The following ADGRL2 variants were observed in gnomAD, a reference collection of about 807,000 sequenced individuals.
The protein encoded by ADGRL2 is calcium-independent alpha-latrotoxin receptor 2.
A neutral mutation model predicts 157.4 loss-of-function variants in ADGRL2; 44 were observed. The observed-to-expected ratio is 0.28, with a 90% CI of 0.22 to 0.36. The LOEUF is 0.36. Ranked by LOEUF, ADGRL2 falls within the 10% of genes least tolerant of loss-of-function variation. The probability of loss-of-function intolerance (pLI) is 1.00; values close to 1 mark genes in which losing one functional copy is unlikely to be tolerated. For synonymous variants in ADGRL2, 585 were observed against 624.7 expected (o/e 0.94, Z 0.95); for missense variants, 1,510 against 1,768.9 (o/e 0.85, Z 2.63).
intron 1 of ADGRL2, among the ~76,000 whole-genome samples, chr1:81,737,141 T>C (rs1322936100): frequency 1.3e-5 from 2 of 152,138 alleles, no homozygotes; most frequent in Non-Finnish European, 1.5e-5. Context: ...GCCAACTCCC[T>C]CAATCTTAAC....
chr1:81,829,580 A>T (rs919327400), intron 1 of ADGRL2, among the ~76,000 whole-genome samples: 5 of 152,196 alleles, frequency 3.3e-5, no homozygotes, highest in African/African-American at 1.2e-4. Flanking sequence ...AGGTTATTAT[A>T]ATATTCCTGT....
chr1:81,497,387 G>T (rs2078753078), intron 2 of ADGRL2, among the ~76,000 whole-genome samples: 1 of 151,524 alleles, frequency 6.6e-6, no homozygotes, highest in Non-Finnish European at 1.5e-5. Flanking sequence ...ACACATCCAT[G>T]TTGCTATGGT....
At chr1:81,981,045 A>G (rs2149440557) in intron 18 of ADGRL2, 1 of 438,446 alleles carries the variant, frequency 2.3e-6, no homozygotes, top group Non-Finnish European at 4.3e-6. Context: ...TATAAAATAT[A>G]TAAATGCTTT....
chr1:81,426,083 A>G (rs1395368526), intron 1 of ADGRL2, among the ~76,000 whole-genome samples: 1 of 152,212 alleles, frequency 6.6e-6, no homozygotes, highest in African/African-American at 2.4e-5. Context: ...TCAGAAATGA[A>G]GACTCAAAGA....
chr1:81,362,142 G>A (rs995124315), intron 1 of ADGRL2, among the ~76,000 whole-genome samples: 3 of 151,926 alleles, frequency 2.0e-5, no homozygotes, highest in Admixed American at 6.6e-5. Flanking sequence ...AAGACACTTC[G>A]GTATGATGTT....
intron 2 of ADGRL2, among the ~76,000 whole-genome samples, chr1:81,568,472 G>C (rs889112236): frequency 1.3e-4 from 20 of 152,072 alleles, no homozygotes; most frequent in Non-Finnish European, 1.9e-4. Context: ...TAAATCACTG[G>C]ATTAAACTTG....
intron 1 of ADGRL2, among the ~76,000 whole-genome samples, chr1:81,354,598 C>G (rs1396593043): frequency 6.6e-6 from 1 of 152,182 alleles, no homozygotes; most frequent in Non-Finnish European, 1.5e-5. Context: ...ATCTCTCATC[C>G]ACATCATAAA....
At chr1:81,753,185 G>A (rs2085545433) in intron 1 of ADGRL2, among the ~76,000 whole-genome samples, 1 of 152,170 alleles carries the variant, frequency 6.6e-6, no homozygotes, top group South Asian at 2.1e-4. Context: ...ACAAAAGAAA[G>A]AGGTTTAATT....
chr1:81,500,241 T>A lies in ADGRL2; in HGVS notation c.-248+55152T>A, dbSNP rs11800758. Among the ~76,000 whole-genome samples, 290 of 152,336 alleles carry A rather than the reference T, an allele frequency of 1.9e-3. 2 individuals carry two copies. Among genetic ancestry groups the A allele is most frequent in the African/African-American group, 6.8e-3 (281 of 41,580 alleles). On this transcript the variant is annotated intron_variant, in intron 2 of 24. Transcript: ENST00000370721. ...GGGAGCAGCTACTGTGGAAATAGTA[T>A]GGTGGTCCTGCAAAATTAGACAAAG...
chr1:81,802,716 T>C (rs1403974359), intron 1 of ADGRL2, among the ~76,000 whole-genome samples: 2 of 152,084 alleles, frequency 1.3e-5, no homozygotes. Flanking sequence ...TCCCGCCCGC[T>C]TTGCCCTCCG....
Position 81,393,012 on chromosome 1 carries a change from G to T in ADGRL2, c.-301-52024G>T, listed in dbSNP as rs1019267187. Among the ~76,000 whole-genome samples the T allele has an allele frequency of 5.9e-5, 9 of 151,966 alleles. No individual in the cohort carries two copies. The East Asian group carries it at 1.7e-3, about 29-fold the overall frequency. On this transcript the variant is annotated intron_variant, in intron 1 of 24. Transcript: ENST00000370721. ...TTTGTACACACTCTTTTGATTGTTTGATAACATCTGCACATGAGAGTGTAA... is the reference window on the plus strand; with the variant it reads ...TTTGTACACACTCTTTTGATTGTTTTATAACATCTGCACATGAGAGTGTAA...
At chr1:81,882,065 G>A (rs1571889511) in intron 2 of ADGRL2, among the ~76,000 whole-genome samples, 1 of 151,974 alleles carries the variant, frequency 6.6e-6, no homozygotes, top group Admixed American at 6.6e-5. Context: ...TATAGAATTT[G>A]TACAATTTGT....
chr1:81,856,023 T>C (rs2093190120), intron 2 of ADGRL2, among the ~76,000 whole-genome samples: 1 of 152,272 alleles, frequency 6.6e-6, no homozygotes, highest in African/African-American at 2.4e-5. Context: ...CTGGACTTTC[T>C]TGCAGGCATC....
chr1:81,587,023 G>A lies in ADGRL2; in HGVS notation c.-143+6043G>A, dbSNP rs188917266. 5.3e-5 allele frequency among the ~76,000 whole-genome samples: 8 copies of A among 152,108 alleles called. No homozygotes were observed. The South Asian group carries it at 6.2e-4, about 12-fold the overall frequency. On this transcript the variant is annotated intron_variant, in intron 3 of 24. Coordinates refer to the ADGRL2 transcript ENST00000370721. ...CCAGAGACTCTTCAGTTTCAAAATCGCCAACAAGAGGAAAATGACTGAAGA... is the reference window on the plus strand; with the variant it reads ...CCAGAGACTCTTCAGTTTCAAAATCACCAACAAGAGGAAAATGACTGAAGA...
chr1:81,923,433 T>C (rs996111504), intron 3 of ADGRL2, among the ~76,000 whole-genome samples: 1 of 152,182 alleles, frequency 6.6e-6, no homozygotes, highest in Admixed American at 6.6e-5. Flanking sequence ...AAAAGTCTGC[T>C]GAATTTGGTT....
At chr1:81,659,158 T>G in intron 3 of ADGRL2, among the ~76,000 whole-genome samples, 1 of 148,958 alleles carries the variant, frequency 6.7e-6, no homozygotes, top group Non-Finnish European at 1.5e-5. Flanking sequence ...CCCTCCTGGG[T>G]TCACGTGATT....
chr1:81,758,593 C>T (rs1005912695), intron 1 of ADGRL2, among the ~76,000 whole-genome samples: 2 of 152,294 alleles, frequency 1.3e-5, no homozygotes, highest in Middle Eastern at 6.8e-3. Flanking sequence ...TTGAAAAATT[C>T]ATTAAGAAGT....
intron 2 of ADGRL2, chr1:81,513,960 A>T (rs1012009298): frequency 2.6e-5 from 4 of 152,176 alleles, no homozygotes; most frequent in Non-Finnish European, 5.9e-5. Context: ...AACCCAGTGG[A>T]GTAAACGGCA....
intron 1 of ADGRL2, among the ~76,000 whole-genome samples, chr1:81,337,077 G>A (rs1357324958): frequency 6.6e-6 from 1 of 152,164 alleles, no homozygotes; most frequent in African/African-American, 2.4e-5. Context: ...TTCAGCTGGG[G>A]ATAGTCGATT....
Sources: gnomAD v4.1 joint callset for allele counts (sites outside exome capture counted in the v4.1 genomes callset) on GRCh38, gnomAD v4.1.1 for gene constraint, MANE v1.5 for transcripts, NCBI Gene and HGNC (gene_info 2026-07-23, HGNC 2026-07-21) for gene names.